Variants in FCRL3 observed in about 807,000 individuals in gnomAD.
FCRL3 encodes Fc receptor-like protein 3.
A neutral mutation model predicts 75.0 loss-of-function variants in FCRL3; 89 were observed. That is an observed-to-expected ratio of 1.19 (90% CI 1.00 to 1.42). FCRL3 has a LOEUF of 1.42. Ranked by LOEUF, FCRL3 falls within the 40% of genes most tolerant of loss-of-function variation. The probability of loss-of-function intolerance (pLI) is 0.00; values close to 1 mark genes in which losing one functional copy is unlikely to be tolerated. For synonymous variants in FCRL3, 376 were observed against 348.5 expected (o/e 1.08, Z -0.88); for missense variants, 946 against 880.0 (o/e 1.07, Z -0.95).
chr1:157,676,658 T>C lies in FCRL3; in HGVS notation c.*2052A>G, dbSNP rs1306333034. ...ATTTGCACATTTGTTATATCCGAGA[T>C]GTACAGTTAGGACTCACCCCTTCTT... On this transcript the variant is annotated 3_prime_UTR_variant, in exon 15 of 15. Transcript: ENST00000368184. 4.8e-6 allele frequency: 7 copies of C among 1,467,210 alleles called. No homozygotes were observed. Among genetic ancestry groups the C allele is most frequent in the Middle Eastern group, 1.7e-4 (1 of 5,840 alleles). 90.9% of individuals were successfully genotyped at this position (1,467,210 alleles called of 1,614,324 possible). A position where few individuals can be genotyped will look rare whatever the true frequency, so the allele number is the denominator to read the frequency against.
At position 157,697,151 on chromosome 1, in the gene FCRL3, A is replaced by G; in HGVS notation, c.833T>C (p.Ile278Thr). ...CCTTAGACACTCACTCTGTACACGTATCTGAGATCTCAGGCTCCTTTTTTT... is the reference window on the plus strand; with the variant it reads ...CCTTAGACACTCACTCTGTACACGTGTCTGAGATCTCAGGCTCCTTTTTTT... ...SIKKRSLRSQ[I>T]RVQRVPVSNV... The change falls in exon 6 of 15, where the codon ATA becomes ACA. Residue 278 changes from isoleucine to threonine, a missense_variant. By Grantham distance (89) the Ile-to-Thr change is moderately conservative. Transcript: ENST00000368184. 2.0e-6 allele frequency: 3 copies of G among 1,507,420 alleles called. No individual in the cohort carries two copies. Among genetic ancestry groups the G allele is most frequent in the Admixed American group, 2.2e-5 (1 of 45,756 alleles). 93.4% of individuals were successfully genotyped at this position (1,507,420 alleles called of 1,614,324 possible).
At chr1:157,681,198 T>G (rs1480950854) in intron 11 of FCRL3, 99 bp from the exon 12 acceptor site, 5 of 699,614 alleles carry the variant, frequency 7.1e-6, no homozygotes, top group South Asian at 8.5e-5. Context: ...CCAGCATGAT[T>G]CAAGTAAAAA....
chr1:157,678,672 G>A lies in FCRL3; in HGVS notation c.*38C>T, dbSNP rs375156961. On this transcript the variant is annotated 3_prime_UTR_variant, in exon 15 of 15. Coordinates refer to ENST00000368184, the MANE Select transcript of FCRL3 (RefSeq NM_052939.4). The stretch of plus-strand genomic sequence containing the variant: ...GTTGGAGAGAACAGAAAAAAAAATG[G>A]TGCAGGCTGTTTCCTGTGGGCCACT... 3.1e-6 allele frequency: 5 copies of A among 1,609,390 alleles called. No homozygotes were observed. The African/African-American group carries it at 6.7e-5, about 22-fold the overall frequency.
chr1:157,686,344 G>T (rs1341106651), intron 10 of FCRL3, among the ~76,000 whole-genome samples: 1 of 151,956 alleles, frequency 6.6e-6, no homozygotes, highest in Non-Finnish European at 1.5e-5. Context: ...AATTAATATT[G>T]TTAAAATGGC....
At chr1:157,693,957 C>T (rs941522835) in intron 8 of FCRL3, among the ~76,000 whole-genome samples, 21 of 151,984 alleles carry the variant, frequency 1.4e-4, no homozygotes, top group Non-Finnish European at 1.5e-5. Context: ...TCCATATTGC[C>T]CACGCTGGTC....
intron 4 of FCRL3, 81 bp from the exon 5 acceptor site, chr1:157,698,000 C>A: frequency 1.3e-6 from 2 of 1,503,176 alleles, no homozygotes; most frequent in Non-Finnish European, 8.9e-7. Context: ...GAGGCAAGAG[C>A]CACAGTTCTA....
At chr1:157,700,876 C>T, upstream of FCRL3, 1 of 451,044 alleles carries the variant, frequency 2.2e-6, no homozygotes, top group Non-Finnish European at 3.2e-6. Context: ...TTCACACAGC[C>T]TTTGGTTCTG....
chr1:157,697,311 G>A lies in FCRL3; in HGVS notation c.673C>T (p.Gln225Ter), dbSNP rs764120395. 3 of 1,612,612 alleles carry A rather than the reference G, an allele frequency of 1.9e-6. No individual in the cohort carries two copies. The highest frequency in any genetic ancestry group is 1.3e-5 in the African/African-American group (1 of 74,890). ...TGGCTATCTCTGAAGAGGGAGAATT[G>A]CAGCTGGACATCTGGCCTCTGTGGA... ...LSPQRPDVQL[Q>*]FSLFRDSQTL... The change falls in exon 6 of 15, where the codon CAA becomes TAA. Residue 225 changes from glutamine to a stop codon, truncating the protein, a stop_gained. Transcript: ENST00000368184. LOFTEE classifies it high-confidence loss of function.
Position 157,697,831 on chromosome 1 carries a change from A to G in FCRL3, c.387T>C (p.His129=), listed in dbSNP as rs1239190094. The G allele has an allele frequency of 2.5e-6, 4 of 1,614,004 alleles. No individual in the cohort carries two copies. Among genetic ancestry groups the G allele is most frequent in the Non-Finnish European group, 3.4e-6 (4 of 1,180,030 alleles). The change falls in exon 5 of 15, where the codon CAT becomes CAC. Residue 129 remains histidine, a synonymous_variant. Coordinates refer to ENST00000368184, the MANE Select transcript of FCRL3 (RefSeq NM_052939.4). ...RCQGKDNKNT[H]QKVYYKDGKQ... The stretch of plus-strand genomic sequence containing the variant: ...TTCCATCCTTGTAGTAAACCTTTTG[A>G]TGAGTGTTTTTGTTGTCTTTCCCCT...
At chr1:157,680,881 T>G in intron 12 of FCRL3, 100 bp downstream of exon 12, 1 of 1,437,224 alleles carries the variant, frequency 7.0e-7, no homozygotes, top group Non-Finnish European at 9.7e-7. Flanking sequence ...ATGCTAGGAA[T>G]GTCATTTTTA....
chr1:157,690,635 C>T, intron 8 of FCRL3, 102 bp from the exon 9 acceptor site: 1 of 1,430,262 alleles, frequency 7.0e-7, no homozygotes, highest in Non-Finnish European at 9.5e-7. Context: ...GGAACATGCA[C>T]CTGGATTCTG....
At chr1:157,678,880 TA>T in intron 14 of FCRL3, 24 bp from the exon 15 acceptor site, 2 of 1,613,310 alleles carry the variant, frequency 1.2e-6, no homozygotes, top group South Asian at 1.1e-5. Flanking sequence ...ACACAAAAGG[TA>T]AGTACCTAAA....
chr1:157,677,398 AACC>A lies in FCRL3; in HGVS notation c.*1309_*1311del. 1.0e-6 allele frequency: 1 copy of A among 985,650 alleles called. No individual in the cohort carries two copies. Among genetic ancestry groups the A allele is most frequent in the Non-Finnish European group, 1.2e-6 (1 of 830,090 alleles). 61.1% of individuals were successfully genotyped at this position (985,650 alleles called of 1,614,324 possible). On this transcript the variant is annotated 3_prime_UTR_variant, in exon 15 of 15. Coordinates refer to ENST00000368184, the MANE Select transcript of FCRL3 (RefSeq NM_052939.4). ...GAAAGGGACTTGGTGTTCCTACATG[AACC>A]AAGTGAAGGCCTAGAATTGGCAACA... is the stretch of plus-strand genomic sequence containing the variant.
rs1655832977 is a variant in FCRL3, at chr1:157,695,567, C to T, written c.1173G>A (p.Arg391=). The T allele has an allele frequency of 3.1e-6, 5 of 1,613,474 alleles. No individual in the cohort carries two copies. The South Asian group carries it at 5.5e-5, about 18-fold the overall frequency. The change falls in exon 8 of 15, where the codon AGG becomes AGA. Residue 391 remains arginine (R), a synonymous_variant. Transcript: ENST00000368184. ...SHPVLTFRAP[R]AHTVVGDLLE... is the part of the protein sequence containing the mutation. Reference sequence around the variant, plus strand: ...GCAGGTCCCCCACCACAGTGTGGGCCCTGGGAGCCCTGAAGGTGAGGACAG... The same window carrying T: ...GCAGGTCCCCCACCACAGTGTGGGCTCTGGGAGCCCTGAAGGTGAGGACAG...
intron 8 of FCRL3, among the ~76,000 whole-genome samples, chr1:157,694,943 A>C (rs2101618567): frequency 6.6e-6 from 1 of 152,298 alleles, no homozygotes; most frequent in Non-Finnish European, 1.5e-5. Flanking sequence ...TAGGGGCAGA[A>C]AACTGTGGCA....
At chr1:157,686,503 A>G (rs1655186238) in intron 10 of FCRL3, among the ~76,000 whole-genome samples, 1 of 152,220 alleles carries the variant, frequency 6.6e-6, no homozygotes, top group African/African-American at 2.4e-5. Context: ...CAAAGACAGC[A>G]AAGCTGAAGG....
Position 157,679,828 on chromosome 1 carries a change from C to CAAAAAAAAAAAAAAAAAAAAAAAAA in FCRL3, c.2027-856_2027-855insTTTTTTTTTTTTTTTTTTTTTTTTT, listed in dbSNP as rs879258382. ...TGGGCGACAGAACGAGACCCCATCT[C>CAAAAAAAAAAAAAAAAAAAAAAAAA]ACAAAAAAAAAAAAAAAAAAAAAAA... On this transcript the variant is annotated intron_variant, in intron 13 of 14. Coordinates refer to ENST00000368184, the MANE Select transcript of FCRL3 (RefSeq NM_052939.4). 1.4e-4 allele frequency among the ~76,000 whole-genome samples: 4 copies of CAAAAAAAAAAAAAAAAAAAAAAAAA among 27,906 alleles called. 1 individual carries two copies. The highest frequency in any genetic ancestry group is 3.6e-4 in the Non-Finnish European group (4 of 11,050). The allele number at this position is 27,906 out of a possible 152,430, so 18.3% of individuals were successfully genotyped here.
chr1:157,691,916 T>C (rs971622627), intron 8 of FCRL3: 3 of 152,188 alleles, frequency 2.0e-5, no homozygotes, highest in Admixed American at 1.3e-4. Flanking sequence ...AGACACCAGA[T>C]TGAAGTGTAA....
Position 157,689,896 on chromosome 1 carries a change from C to G in FCRL3, c.1712G>C (p.Gly571Ala). ...CCCCGTGATTCCCGCAGCGGTAAGG[C>G]CTGTTCTGTTCCTGGAAGTTCCTGA... is the stretch of plus-strand genomic sequence containing the variant. The part of the protein sequence containing the change: ...NVTGTSRNRT[G>A]LTAAGITGLV... Residue 571 changes from glycine to alanine, a missense_variant, in exon 10 of 15, where the codon GGC becomes GCC. Coordinates refer to ENST00000368184, the MANE Select transcript of FCRL3 (RefSeq NM_052939.4). 6.2e-7 allele frequency: 1 copy of G among 1,614,150 alleles called. No homozygotes were observed. Among genetic ancestry groups the G allele is most frequent in the Non-Finnish European group, 8.5e-7 (1 of 1,180,022 alleles).
Sources: allele counts gnomAD v4.1 joint callset (sites outside exome capture counted in the v4.1 genomes callset), GRCh38; gene constraint gnomAD v4.1.1; transcripts MANE v1.5; gene names NCBI Gene and HGNC (gene_info 2026-07-23, HGNC 2026-07-21).